Variants in SMAD9 observed in about 807,000 individuals in gnomAD.
SMAD9 encodes the protein SMAD family member 9.
Under a neutral mutation model 46.1 loss-of-function variants are expected in SMAD9, and 36 were observed. The ratio of observed to expected loss-of-function variants is 0.78; its 90% CI spans 0.60 to 1.03. The LOEUF (loss-of-function observed/expected upper bound fraction) is 1.03, where lower values mean the gene tolerates loss of function less well. SMAD9 is among the 50% of genes least tolerant of loss of function. The pLI is 0.00. For missense variants in SMAD9, 572 were observed against 599.8 expected, an observed-to-expected ratio of 0.95 and a Z score of 0.48; for synonymous variants, 245 against 237.1, an observed-to-expected ratio of 1.03 and a Z score of -0.31.
intron 1 of SMAD9, among the ~76,000 whole-genome samples, chr13:36,882,536 G>A (rs559864476): frequency 2.6e-4 from 39 of 152,118 alleles, no homozygotes; most frequent in African/African-American, 8.2e-4. Flanking sequence ...GTGGTCTCAC[G>A]ACAGTTCCAA....
At chr13:36,895,751 G>A (rs2058522701) in intron 1 of SMAD9, among the ~76,000 whole-genome samples, 1 of 152,146 alleles carries the variant, frequency 6.6e-6, no homozygotes, top group Non-Finnish European at 1.5e-5. Context: ...AGGAAATTCA[G>A]TGCTTTTTTT....
Position 36,844,874 on chromosome 13 carries a change from T to TAAG in SMAD9, c.*3799_*3801dup, listed in dbSNP as rs2058028701. On this transcript the variant is annotated 3_prime_UTR_variant, in exon 7 of 7. Coordinates refer to ENST00000379826, the MANE Select transcript of SMAD9 (RefSeq NM_001127217.3). Reference sequence around the variant, plus strand: ...TATTATAAACAATCAGATAACAGTATAAGTGTGCATTTGATGGATAACCGA... The same window carrying TAAG: ...TATTATAAACAATCAGATAACAGTATAAGAAGTGTGCATTTGATGGATAACCGA... The TAAG allele has an allele frequency of 6.6e-6, 1 of 151,338 alleles. No homozygotes were observed. The highest frequency in any genetic ancestry group is 6.6e-5 in the Admixed American group (1 of 15,202). 9.4% of individuals were successfully genotyped at this position (151,338 alleles called of 1,614,324 possible). A position where few individuals can be genotyped will look rare whatever the true frequency, so the allele number is the denominator to read the frequency against.
At chr13:36,893,683 T>C (rs371382852) in intron 1 of SMAD9, among the ~76,000 whole-genome samples, 23 of 151,744 alleles carry the variant, frequency 1.5e-4, no homozygotes, top group East Asian at 5.8e-4. Context: ...GAAGATGACA[T>C]AGAGTATGAA....
At chr13:36,873,778 G>A (rs753617484) in intron 2 of SMAD9, among the ~76,000 whole-genome samples, 9 of 152,120 alleles carry the variant, frequency 5.9e-5, no homozygotes, top group Non-Finnish European at 1.0e-4. Flanking sequence ...CAGGAGAATC[G>A]CTTGAATCTG....
intron 1 of SMAD9, among the ~76,000 whole-genome samples, chr13:36,894,817 G>A (rs966261027): frequency 2.0e-5 from 3 of 152,106 alleles, no homozygotes; most frequent in African/African-American, 7.2e-5. Flanking sequence ...GCCCCCAAGT[G>A]ACATCTCATT....
intron 1 of SMAD9, among the ~76,000 whole-genome samples, chr13:36,895,424 C>A (rs1022155112): frequency 6.6e-6 from 1 of 152,136 alleles, no homozygotes; most frequent in Non-Finnish European, 1.5e-5. Context: ...CTGTCCTGTG[C>A]GTTACAGGGT....
At chr13:36,916,697 A>G (rs2058700898) in intron 1 of SMAD9, among the ~76,000 whole-genome samples, 1 of 152,104 alleles carries the variant, frequency 6.6e-6, no homozygotes. Flanking sequence ...GGGAAGAAAT[A>G]AATTAGTCTA....
At position 36,852,574 on chromosome 13, in the gene SMAD9, G is replaced by T. The variant is rs112706432; in HGVS notation, c.1260+845C>A. ...AATATTCATCAACAGAACATATACT[G>T]CTCTCTGAATTAATCACACCCGTTT... On this transcript the variant is annotated intron_variant, in intron 6 of 6. Transcript: ENST00000379826. The T allele has an allele frequency of 2.5e-5, 25 of 983,832 alleles. No homozygotes were observed. The African/African-American group carries it at 4.4e-4, about 17-fold the overall frequency. 60.9% of individuals were successfully genotyped at this position (983,832 alleles called of 1,614,324 possible).
intron 1 of SMAD9, among the ~76,000 whole-genome samples, chr13:36,895,154 T>C (rs1306625175): frequency 6.6e-6 from 1 of 152,224 alleles, no homozygotes; most frequent in East Asian, 1.9e-4. Flanking sequence ...TCCTCAGTGT[T>C]CCCAGGTCAC....
chr13:36,911,465 T>C (rs1406891537), intron 1 of SMAD9, among the ~76,000 whole-genome samples: 1 of 152,158 alleles, frequency 6.6e-6, no homozygotes, highest in African/African-American at 2.4e-5. Flanking sequence ...GGTAATATTA[T>C]ATAGAGCATA....
chr13:36,906,367 A>G (rs2058620049), intron 1 of SMAD9, among the ~76,000 whole-genome samples: 1 of 152,166 alleles, frequency 6.6e-6, no homozygotes, highest in South Asian at 2.1e-4. Context: ...GTGAAAAGAC[A>G]CTTACATAAA....
chr13:36,876,121 C>T (rs759333190), intron 2 of SMAD9, among the ~76,000 whole-genome samples: 2 of 152,148 alleles, frequency 1.3e-5, no homozygotes, highest in Non-Finnish European at 2.9e-5. Context: ...CTTACAGACA[C>T]TCATGCCTAT....
intron 1 of SMAD9, among the ~76,000 whole-genome samples, chr13:36,900,698 C>T (rs1016135879): frequency 2.8e-5 from 4 of 144,112 alleles, no homozygotes; most frequent in African/African-American, 1.1e-4. Context: ...CACACACACA[C>T]ACACACACAC....
intron 5 of SMAD9, among the ~76,000 whole-genome samples, chr13:36,863,717 CTCTT>C (rs1365325771): frequency 1.3e-5 from 2 of 152,156 alleles, no homozygotes; most frequent in Admixed American, 6.6e-5. Context: ...TCCCTCCCTT[CTCTT>C]TCTGTCTCTT....
chr13:36,907,236 G>A (rs2058626800), intron 1 of SMAD9, among the ~76,000 whole-genome samples: 1 of 152,202 alleles, frequency 6.6e-6, no homozygotes, highest in Non-Finnish European at 1.5e-5. Flanking sequence ...GGTGCTAAGA[G>A]AAGGGGAAAA....
At chr13:36,874,312 C>G (rs2058324516) in intron 2 of SMAD9, among the ~76,000 whole-genome samples, 1 of 152,210 alleles carries the variant, frequency 6.6e-6, no homozygotes, top group East Asian at 1.9e-4. Flanking sequence ...TGCGGGATAA[C>G]TGGAATATTC....
At chr13:36,918,299 T>C (rs2058714163) in intron 1 of SMAD9, among the ~76,000 whole-genome samples, 1 of 152,222 alleles carries the variant, frequency 6.6e-6, no homozygotes, top group African/African-American at 2.4e-5. Context: ...AACACTGCAC[T>C]GATAAACATG....
intron 5 of SMAD9, among the ~76,000 whole-genome samples, chr13:36,859,303 G>A (rs1432543101): frequency 6.6e-6 from 1 of 152,176 alleles, no homozygotes; most frequent in African/African-American, 2.4e-5. Flanking sequence ...ACCTGGACAT[G>A]CAGACCCTCT....
chr13:36,872,795 G>A lies in SMAD9; in HGVS notation c.533C>T (p.Pro178Leu). Residue 178 changes from proline (P) to leucine (L), a missense_variant, in exon 3 of 7, where the codon CCT becomes CTT. Coordinates refer to ENST00000379826, the MANE Select transcript of SMAD9 (RefSeq NM_001127217.3). ...GCACGGAGGCTGCTGGAAAGAGTCA[G>A]GATAGGTGGCGTTGTGTGGCATGAG... is the stretch of plus-strand genomic sequence containing the variant. ...EPLMPHNATYPDSFQQPPCSA... is the reference protein window; with the variant it reads ...EPLMPHNATYLDSFQQPPCSA... 1.2e-6 allele frequency: 2 copies of A among 1,614,116 alleles called. No individual in the cohort carries two copies. Among genetic ancestry groups the A allele is most frequent in the South Asian group, 1.1e-5 (1 of 91,082 alleles).
Sources: allele counts gnomAD v4.1 joint callset (sites outside exome capture counted in the v4.1 genomes callset), GRCh38; gene constraint gnomAD v4.1.1; transcripts MANE v1.5; gene names NCBI Gene and HGNC (gene_info 2026-07-23, HGNC 2026-07-21).